The following ZMYM2 variants were observed in gnomAD, a reference collection of about 807,000 sequenced individuals.
The protein encoded by ZMYM2 is zinc finger MYM-type containing 2.
In ZMYM2, 56 loss-of-function variants were observed where a neutral mutation model predicts 162.8. The observed-to-expected ratio is 0.34, with a 90% CI of 0.28 to 0.43. The LOEUF is 0.43. Ranked by LOEUF, ZMYM2 falls within the 20% of genes least tolerant of loss-of-function variation. ZMYM2 has a pLI of 1.00. For synonymous variants in ZMYM2, 510 were observed against 541.6 expected, an observed-to-expected ratio of 0.94 and a Z score of 0.81; for missense variants, 1,275 against 1,621.8, an observed-to-expected ratio of 0.79 and a Z score of 3.67.
At chr13:19,983,554 C>CT (rs1957548603) in intron 2 of ZMYM2, among the ~76,000 whole-genome samples, 1 of 152,174 alleles carries the variant, frequency 6.6e-6, no homozygotes, top group African/African-American at 2.4e-5. Flanking sequence ...TTATTCTTGA[C>CT]TTTAATGATA....
upstream of ZMYM2, among the ~76,000 whole-genome samples, chr13:19,954,395 C>T (rs538751858): frequency 6.6e-6 from 1 of 152,022 alleles, no homozygotes; most frequent in East Asian, 1.9e-4. Flanking sequence ...GGATTACAGG[C>T]ATGAGCCACC....
chr13:20,062,845 G>T lies in ZMYM2; in HGVS notation c.2912-1G>T. 1 of 1,565,098 alleles carries T rather than the reference G, an allele frequency of 6.4e-7. No individual in the cohort carries two copies. Among genetic ancestry groups the T allele is most frequent in the East Asian group, 2.3e-5 (1 of 43,480 alleles). On this transcript the variant is annotated splice_acceptor_variant, in intron 17 of 24. Transcript: ENST00000610343. LOFTEE classifies it high-confidence loss of function. ...CTAATGATAATATGGATTGATTTCAGGTGTAATTATTGAAACAGATATAAT... is the reference window on the plus strand; with the variant it reads ...CTAATGATAATATGGATTGATTTCATGTGTAATTATTGAAACAGATATAAT...
the ZMYM2 span, among the ~76,000 whole-genome samples, chr13:19,875,366 A>T: frequency 1.3e-5 from 2 of 152,168 alleles, no homozygotes; most frequent in South Asian, 2.1e-4. Context: ...GCAGCGGCTC[A>T]CACCTGTAAT....
chr13:20,001,110 G>T (rs564249251), intron 3 of ZMYM2, among the ~76,000 whole-genome samples: 1 of 152,322 alleles, frequency 6.6e-6, no homozygotes, highest in South Asian at 2.1e-4. Context: ...ACCTGAATGA[G>T]GCTGGGCATG....
intron 20 of ZMYM2, 35 bp from the exon 21 acceptor site, chr13:20,067,203 AT>A: frequency 6.7e-7 from 1 of 1,502,136 alleles, no homozygotes; most frequent in Non-Finnish European, 9.0e-7. Flanking sequence ...AAGACGCTAA[AT>A]AATAACAATT....
chr13:20,027,076 C>G, intron 8 of ZMYM2, 127 bp from the exon 9 acceptor site: 1 of 657,682 alleles, frequency 1.5e-6, no homozygotes. Context: ...ACATAATCTT[C>G]AGTATTGAAG....
chr13:19,918,316 G>A, the ZMYM2 span, among the ~76,000 whole-genome samples: 3 of 151,166 alleles, frequency 2.0e-5, no homozygotes, highest in Non-Finnish European at 4.4e-5. Context: ...GTGATGGCAG[G>A]CGCCTATAGT....
At chr13:19,942,786 TG>T in the ZMYM2 span, among the ~76,000 whole-genome samples, 2 of 152,138 alleles carry the variant, frequency 1.3e-5, no homozygotes, top group African/African-American at 4.8e-5. Context: ...TTTGCTGAAA[TG>T]GGACAGGTTT....
chr13:19,978,851 G>T (rs926339721), intron 2 of ZMYM2, among the ~76,000 whole-genome samples: 2 of 152,036 alleles, frequency 1.3e-5, no homozygotes, highest in African/African-American at 4.8e-5. Context: ...TTCTTACCAT[G>T]TTGAGTTACT....
intron 2 of ZMYM2, among the ~76,000 whole-genome samples, chr13:19,962,516 T>TATATATATATATATATATATATATATA (rs1491235309): frequency 3.4e-5 from 1 of 29,818 alleles, no homozygotes; most frequent in African/African-American, 9.1e-5. Flanking sequence ...TATATATATA[T>TATATATATATATATATATATATATATA]TTTTTTTTTT....
At chr13:20,084,382 G>C (rs1958109707) in intron 24 of ZMYM2, among the ~76,000 whole-genome samples, 1 of 152,216 alleles carries the variant, frequency 6.6e-6, no homozygotes, top group African/African-American at 2.4e-5. Flanking sequence ...TAAACGGTCA[G>C]ATGGTAAATA....
the ZMYM2 span, among the ~76,000 whole-genome samples, chr13:19,936,757 A>G: frequency 6.6e-6 from 1 of 152,072 alleles, no homozygotes; most frequent in Non-Finnish European, 1.5e-5. Context: ...ACAAGAGAAC[A>G]ACACTTAAAA....
chr13:20,076,363 C>T (rs1957504540), intron 21 of ZMYM2, among the ~76,000 whole-genome samples: 1 of 150,530 alleles, frequency 6.6e-6, no homozygotes, highest in Non-Finnish European at 1.5e-5. Context: ...TCCTAAAGAA[C>T]TGATGCATTT....
intron 3 of ZMYM2, among the ~76,000 whole-genome samples, chr13:20,001,838 T>C (rs920819635): frequency 2.0e-5 from 3 of 152,246 alleles, no homozygotes; most frequent in Non-Finnish European, 2.9e-5. Flanking sequence ...ACATGATTAG[T>C]GTTTTTTAGC....
intron 14 of ZMYM2, among the ~76,000 whole-genome samples, chr13:20,053,316 A>G (rs1402483560): frequency 6.6e-6 from 1 of 152,216 alleles, no homozygotes; most frequent in Non-Finnish European, 1.5e-5. Flanking sequence ...TCACCTGGCA[A>G]CTTTTCAAAA....
At chr13:19,864,147 C>G in the ZMYM2 span, 1 of 153,030 alleles carries the variant, frequency 6.5e-6, no homozygotes, top group Non-Finnish European at 1.5e-5. Flanking sequence ...CTTGAAGGCC[C>G]CCAAGAGGGG....
intron 21 of ZMYM2, among the ~76,000 whole-genome samples, chr13:20,077,112 G>A (rs1172553548): frequency 6.6e-6 from 1 of 150,694 alleles, no homozygotes; most frequent in Non-Finnish European, 1.5e-5. Flanking sequence ...TAGCAGTGAT[G>A]AGGTTGATTC....
rs1359565985 is a variant in ZMYM2, at chr13:20,034,356, C to G, written c.2071C>G (p.His691Asp). The G allele has an allele frequency of 6.2e-7, 1 of 1,609,222 alleles. No individual in the cohort carries two copies. The highest frequency in any genetic ancestry group is 8.5e-7 in the Non-Finnish European group (1 of 1,178,336). ...CEYCQEEKTL[H>D]ETVNFSGVKR... Reference sequence around the variant, plus strand: ...ATACTGTCAAGAGGAGAAGACTCTTCATGAAACAGTAAATTTCTCTGGCGT... The same window carrying G: ...ATACTGTCAAGAGGAGAAGACTCTTGATGAAACAGTAAATTTCTCTGGCGT... Residue 691 changes from histidine (H) to aspartate (D), a missense_variant, in exon 11 of 25, where the codon CAT (histidine) becomes GAT (aspartate). His to Asp is a moderately conservative substitution (Grantham distance 81, BLOSUM62 -1). Around this residue, in one of 10 missense-constraint regions of ZMYM2, gnomAD observed 3 missense variants for 16.8 expected, o/e 0.18. Transcript: ENST00000610343.
chr13:19,931,093 G>A, the ZMYM2 span, among the ~76,000 whole-genome samples: 1 of 149,352 alleles, frequency 6.7e-6, no homozygotes, highest in Non-Finnish European at 1.5e-5. Flanking sequence ...GAGCCGAGAT[G>A]GCGCCACAGC....
Sources: allele counts gnomAD v4.1 joint callset (sites outside exome capture counted in the v4.1 genomes callset), GRCh38; gene constraint gnomAD v4.1.1; regional missense constraint gnomAD v4.1.1; transcripts MANE v1.5; gene names NCBI Gene and HGNC (gene_info 2026-07-23, HGNC 2026-07-21).